Variants in RFX4 observed in about 807,000 individuals in gnomAD.
RFX4 encodes regulatory factor X4.
Under a neutral mutation model 95.0 loss-of-function variants are expected in RFX4, and 10 were observed. The observed-to-expected ratio is 0.11, with a 90% CI of 0.06 to 0.18. The LOEUF is 0.18. RFX4 is among the 10% of genes least tolerant of loss of function. The pLI is 1.00. For synonymous variants in RFX4, 321 were observed against 340.7 expected, an observed-to-expected ratio of 0.94 and a Z score of 0.64; for missense variants, 640 against 922.0, an observed-to-expected ratio of 0.69 and a Z score of 3.96.
intron 2 of RFX4, among the ~76,000 whole-genome samples, chr12:106,611,329 C>T (rs939626296): frequency 1.7e-4 from 25 of 151,474 alleles, no homozygotes; most frequent in African/African-American, 5.1e-4. Context: ...TCCAATTTAA[C>T]TATTTTTTCT....
At chr12:106,684,716 A>T in intron 5 of RFX4, 1 of 1,494,822 alleles carries the variant, frequency 6.7e-7, no homozygotes, top group Non-Finnish European at 9.0e-7. Flanking sequence ...CCAGGTGGGA[A>T]GGCAGTTATG....
At chr12:106,597,678 C>T (rs1037486746) in intron 1 of RFX4, among the ~76,000 whole-genome samples, 1 of 152,086 alleles carries the variant, frequency 6.6e-6, no homozygotes, top group Non-Finnish European at 1.5e-5. Flanking sequence ...AGTCCATGGT[C>T]TTAACTATTA....
chr12:106,702,646 A>T (rs2042013387), intron 8 of RFX4, among the ~76,000 whole-genome samples: 1 of 152,166 alleles, frequency 6.6e-6, no homozygotes. Context: ...GGGCACTCTC[A>T]GTGATCTTGA....
rs1592993541 is a variant in RFX4, at chr12:106,732,202, A to G, written c.1424A>G (p.Glu475Gly). 1 of 1,614,046 alleles carries G rather than the reference A, an allele frequency of 6.2e-7. No individual in the cohort carries two copies. Among genetic ancestry groups the G allele is most frequent in the Non-Finnish European group, 8.5e-7 (1 of 1,179,926 alleles). ...CTGTTAGAATCTCTGCACTGTCAGG[A>G]GCGGGCCAATGAGCTCATGCGAGCC... ...LYLLESLHCQ[E>G]RANELMRAMK... The change falls in exon 14 of 18, where the codon GAG (glutamate) becomes GGG (glycine). Residue 475 changes from glutamate (E) to glycine (G), a missense_variant. Glu to Gly is a moderately conservative substitution (Grantham distance 98). This residue lies in a region of RFX4 where 300 missense variants were observed against 346.8 expected (regional missense o/e 0.87). Transcript: ENST00000392842.
At chr12:106,633,228 G>A (rs141024367) in intron 2 of RFX4, among the ~76,000 whole-genome samples, 2 of 152,300 alleles carry the variant, frequency 1.3e-5, no homozygotes, top group African/African-American at 4.8e-5. Flanking sequence ...CTGAGCTGGA[G>A]GGCCCACATT....
chr12:106,736,565 G>A (rs555443533), intron 15 of RFX4, among the ~76,000 whole-genome samples: 67 of 152,264 alleles, frequency 4.4e-4, no homozygotes, highest in Middle Eastern at 3.4e-3. Context: ...GGTGGCACAC[G>A]TCACTTCCAC....
chr12:106,732,028 C>CAG (rs2042621914), intron 13 of RFX4, 102 bp from the exon 14 acceptor site: 2 of 1,503,072 alleles, frequency 1.3e-6, no homozygotes, highest in Admixed American at 3.7e-5. Context: ...GACTCTTGAG[C>CAG]AGAGCATTTA....
In RFX4 at chr12:106,709,583, T is replaced by G. The variant is rs1323825237; in HGVS notation, c.934+153T>G. Among the ~76,000 whole-genome samples, 3 of 152,240 alleles carry G rather than the reference T, an allele frequency of 2.0e-5. No individual in the cohort carries two copies. The East Asian group carries it at 5.8e-4, about 29-fold the overall frequency. ...TAATTACTTTACATATGTAAATATA[T>G]TTAATCCTCATAAAATGTTTATTAT... On this transcript the variant is annotated intron_variant, in intron 9 of 17. Coordinates refer to ENST00000392842, the MANE Select transcript of RFX4 (RefSeq NM_213594.3).
At chr12:106,753,303 C>G (rs12298244) in intron 17 of RFX4, among the ~76,000 whole-genome samples, 23,960 of 152,048 alleles carry the variant, frequency 0.16, 2,191 homozygotes, top group East Asian at 0.27. Context: ...TGTCTCTTCC[C>G]CAGTCTCTTC....
At position 106,689,188 on chromosome 12, in the gene RFX4, C is replaced by G. The variant is rs746406812; in HGVS notation, c.592-99C>G. On this transcript the variant is annotated intron_variant, in intron 6 of 17. Transcript: ENST00000392842. Reference sequence around the variant, plus strand: ...CCGGTGTTAGGTGAATTGCATCCCCCCCACAGGGAAGAAATGACTTAAAAA... The same window carrying G: ...CCGGTGTTAGGTGAATTGCATCCCCGCCACAGGGAAGAAATGACTTAAAAA... 8.1e-5 allele frequency: 81 copies of G among 998,658 alleles called. 1 individual carries two copies. Among genetic ancestry groups the G allele is most frequent in the Non-Finnish European group, 1.2e-4 (77 of 624,808 alleles). 61.9% of individuals were successfully genotyped at this position (998,658 alleles called of 1,614,324 possible).
intron 8 of RFX4, among the ~76,000 whole-genome samples, chr12:106,696,832 A>G (rs2041889208): frequency 6.6e-6 from 1 of 152,192 alleles, no homozygotes; most frequent in Non-Finnish European, 1.5e-5. Flanking sequence ...GGTGACATAC[A>G]CTATACCCTG....
chr12:106,678,782 C>T (rs1592928598), intron 4 of RFX4, among the ~76,000 whole-genome samples: 1 of 152,288 alleles, frequency 6.6e-6, no homozygotes, highest in African/African-American at 2.4e-5. Flanking sequence ...TTTCATTTAA[C>T]ATTATAAGCA....
At chr12:106,690,381 C>T (rs2041755242) in intron 7 of RFX4, among the ~76,000 whole-genome samples, 1 of 152,060 alleles carries the variant, frequency 6.6e-6, no homozygotes, top group Admixed American at 6.6e-5. Flanking sequence ...AAGAAAACTC[C>T]CTGCTTTCTT....
At chr12:106,665,045 A>C (rs1344450215) in intron 4 of RFX4, among the ~76,000 whole-genome samples, 3 of 151,818 alleles carry the variant, frequency 2.0e-5, no homozygotes, top group Non-Finnish European at 4.4e-5. Context: ...GTCCTTACTG[A>C]TCTTCTGCCT....
rs1294013131 is a variant in RFX4 at position 106,644,227 on chromosome 12, C to T, written c.191+4835C>T. ...AATGGCAGAATTAATGTTGCCATTT[C>T]CCCTTTTTTTTTTTTTTTTTTTTTG... On this transcript the variant is annotated intron_variant, in intron 3 of 17. Coordinates refer to ENST00000392842, the MANE Select transcript of RFX4 (RefSeq NM_213594.3). Among the ~76,000 whole-genome samples the T allele has an allele frequency of 2.0e-5, 3 of 148,830 alleles. No homozygotes were observed. In the South Asian group the frequency reaches 6.5e-4, roughly 32 times the overall value.
intron 15 of RFX4, among the ~76,000 whole-genome samples, chr12:106,739,918 C>G (rs2042777895): frequency 6.6e-6 from 1 of 152,212 alleles, no homozygotes; most frequent in Non-Finnish European, 1.5e-5. Context: ...CCAAACTGAT[C>G]AGTCTATTTA....
At chr12:106,620,434 G>T (rs916485617) in intron 2 of RFX4, among the ~76,000 whole-genome samples, 5 of 152,124 alleles carry the variant, frequency 3.3e-5, no homozygotes, top group Non-Finnish European at 5.9e-5. Flanking sequence ...TTTTATTAAG[G>T]GTTTCAAAAG....
chr12:106,698,398 C>A (rs2041922572), intron 8 of RFX4, among the ~76,000 whole-genome samples: 2 of 152,062 alleles, frequency 1.3e-5, no homozygotes, highest in African/African-American at 4.8e-5. Flanking sequence ...CCTGCCCCAG[C>A]CTGCGGAGTA....
intron 1 of RFX4, among the ~76,000 whole-genome samples, chr12:106,596,778 G>C (rs985339830): frequency 1.3e-5 from 2 of 152,208 alleles, no homozygotes; most frequent in African/African-American, 4.8e-5. Context: ...CCTTTTTCAA[G>C]AGTTTTGCCT....
Sources: gnomAD v4.1 joint callset for allele counts (sites outside exome capture counted in the v4.1 genomes callset) on GRCh38, gnomAD v4.1.1 for gene constraint, gnomAD v4.1.1 regional missense constraint, MANE v1.5 for transcripts, NCBI Gene and HGNC (gene_info 2026-07-23, HGNC 2026-07-21) for gene names.